The following FAM163B variants were observed in gnomAD, a reference collection of about 807,000 sequenced individuals.
FAM163B encodes the protein protein FAM163B.
Under a neutral mutation model 7.6 loss-of-function variants are expected in FAM163B, and 4 were observed. That is an observed-to-expected ratio of 0.52 (90% CI 0.26 to 1.20). FAM163B has a LOEUF of 1.20. FAM163B is among the 50% of genes most tolerant of loss of function. The pLI is 0.14. For missense variants in FAM163B, 250 were observed against 243.0 expected (o/e 1.03, Z -0.19); for synonymous variants, 120 against 111.6 (o/e 1.07, Z -0.47).
chr9:133,591,378 G>A (rs761249601), intron 1 of FAM163B, among the ~76,000 whole-genome samples: 6 of 152,214 alleles, frequency 3.9e-5, no homozygotes, highest in Non-Finnish European at 7.3e-5. Context: ...TCCTGTGGGG[G>A]TGGTAACTGT....
Position 133,579,116 on chromosome 9 carries a change from C to T in FAM163B, c.407G>A (p.Gly136Glu), listed in dbSNP as rs756929157. 1.2e-6 allele frequency: 2 copies of T among 1,607,246 alleles called. No individual in the cohort carries two copies. The highest frequency in any genetic ancestry group is 1.7e-5 in the Admixed American group (1 of 59,902). The change falls in exon 3 of 3, where the codon GGG becomes GAG. Residue 136 changes from glycine to glutamate, a missense_variant. Transcript: ENST00000673969. ...VSQEDVELPP[G>E]GFGGLQALNP... is the part of the protein sequence containing the mutation. ...GAGCGCCTGCAGGCCCCCGAAGCCCCCCGGGGGCAGCTCCACGTCCTCCTG... is the reference window on the plus strand; with the variant it reads ...GAGCGCCTGCAGGCCCCCGAAGCCCTCCGGGGGCAGCTCCACGTCCTCCTG...
At chr9:133,591,738 G>A (rs1831556104) in intron 1 of FAM163B, among the ~76,000 whole-genome samples, 1 of 152,156 alleles carries the variant, frequency 6.6e-6, no homozygotes, top group South Asian at 2.1e-4. Flanking sequence ...TGTCCCGAAG[G>A]ATGGCCCCCA....
intron 1 of FAM163B, among the ~76,000 whole-genome samples, chr9:133,582,494 C>G (rs761929899): frequency 9.2e-5 from 14 of 152,192 alleles, no homozygotes; most frequent in Non-Finnish European, 1.8e-4. Context: ...CACCTTGGGG[C>G]CCCTGCCACC....
rs373126893 is a variant in FAM163B, at chr9:133,579,532, G to A, written c.94-103C>T. Reference sequence around the variant, plus strand: ...CTGGGGAGGGGAGATAGGCACGGTGGGAGTGGGGTGGCCCAAGCCCAGGCC... The same window carrying A: ...CTGGGGAGGGGAGATAGGCACGGTGAGAGTGGGGTGGCCCAAGCCCAGGCC... On this transcript the variant is annotated intron_variant, in intron 2 of 2. Transcript: ENST00000673969. 4.1e-4 allele frequency: 583 copies of A among 1,419,164 alleles called. 2 individuals carry two copies. The African/African-American group carries it at 7.4e-3, about 18-fold the overall frequency. The allele number at this position is 1,419,164 out of a possible 1,614,324, so 87.9% of individuals were successfully genotyped here.
intron 1 of FAM163B, among the ~76,000 whole-genome samples, chr9:133,583,372 G>A (rs72619333): frequency 0.14 from 21,025 of 152,154 alleles, 1,832 homozygotes; most frequent in East Asian, 0.47. Context: ...GACAGGTACT[G>A]GGGAGCCATA....
intron 1 of FAM163B, among the ~76,000 whole-genome samples, chr9:133,580,673 A>G (rs1831343160): frequency 6.6e-6 from 1 of 152,214 alleles, no homozygotes; most frequent in Non-Finnish European, 1.5e-5. Flanking sequence ...CATCTCACAC[A>G]GTCACCATTA....
chr9:133,590,193 TCTTTC>T (rs1287040819), intron 1 of FAM163B, among the ~76,000 whole-genome samples: 11 of 137,878 alleles, frequency 8.0e-5, no homozygotes, highest in Admixed American at 2.2e-4. Flanking sequence ...TTCCTTTCCT[TCTTTC>T]CTTTCCTTTC....
At chr9:133,580,812 C>T (rs1831345047) in intron 1 of FAM163B, among the ~76,000 whole-genome samples, 1 of 152,228 alleles carries the variant, frequency 6.6e-6, no homozygotes, top group Admixed American at 6.5e-5. Context: ...ACCATCTTCA[C>T]CATTTGTACG....
intron 1 of FAM163B, among the ~76,000 whole-genome samples, chr9:133,594,685 G>C (rs982225347): frequency 2.0e-5 from 3 of 152,114 alleles, no homozygotes; most frequent in Non-Finnish European, 4.4e-5. Flanking sequence ...TCAGTCCTGT[G>C]GGGGGACATG....
Position 133,580,385 on chromosome 9 carries a change from C to T in FAM163B, c.-23-139G>A, listed in dbSNP as rs959233228. On this transcript the variant is annotated intron_variant, in intron 1 of 2. Transcript: ENST00000673969. ...TGCCTGTGAGAGGCAGGGGCTCTGC[C>T]GGGGACGGGGTGCAGCAGGAGCCCA... is the stretch of plus-strand genomic sequence containing the variant. 4.1e-5 allele frequency: 28 copies of T among 683,028 alleles called. 1 individual carries two copies. Among genetic ancestry groups the T allele is most frequent in the South Asian group, 1.9e-4 (11 of 57,094 alleles). 42.3% of individuals were successfully genotyped at this position (683,028 alleles called of 1,614,324 possible).
Position 133,579,057 on chromosome 9 carries a change from A to G in FAM163B, c.466T>C (p.Phe156Leu). Residue 156 changes from phenylalanine (F) to leucine (L), a missense_variant, in exon 3 of 3, where the codon TTC becomes CTC. By Grantham distance (22) the Phe-to-Leu change is conservative (BLOSUM62 0). Coordinates refer to ENST00000673969, the MANE Select transcript of FAM163B (RefSeq NM_001080515.3). Reference sequence around the variant, plus strand: ...GTGCTGATGCTGCGGCTCCTGGCGAAGGCCTCCCGCATGGCTGAGAGGCGG... The same window carrying G: ...GTGCTGATGCTGCGGCTCCTGGCGAGGGCCTCCCGCATGGCTGAGAGGCGG... ...PNRLSAMREA[F>L]ARSRSISTDV The G allele has an allele frequency of 6.3e-7, 1 of 1,579,434 alleles. No individual in the cohort carries two copies. Among genetic ancestry groups the G allele is most frequent in the Non-Finnish European group, 8.6e-7 (1 of 1,166,130 alleles).
At chr9:133,599,180 C>T (rs1345432347) in intron 1 of FAM163B, among the ~76,000 whole-genome samples, 8 of 152,188 alleles carry the variant, frequency 5.3e-5, no homozygotes, top group East Asian at 1.9e-4. Flanking sequence ...GCACAGAGTT[C>T]GCCTCTGCCT....
At chr9:133,591,223 C>T (rs1438349216) in intron 1 of FAM163B, among the ~76,000 whole-genome samples, 1 of 152,254 alleles carries the variant, frequency 6.6e-6, no homozygotes, top group African/African-American at 2.4e-5. Flanking sequence ...ACCTGCTATG[C>T]CCTGGCACTG....
chr9:133,608,258 G>C (rs1416231661), intron 1 of FAM163B, among the ~76,000 whole-genome samples: 1 of 152,228 alleles, frequency 6.6e-6, no homozygotes, highest in African/African-American at 2.4e-5. Context: ...TCTTGTCTCA[G>C]AGCCATCGGG....
intron 1 of FAM163B, among the ~76,000 whole-genome samples, chr9:133,608,738 G>C (rs113557453): frequency 2.0e-5 from 3 of 152,376 alleles, no homozygotes; most frequent in African/African-American, 4.8e-5. Context: ...AGAGAAGGCG[G>C]CCAGGTTTCC....
At position 133,600,069 on chromosome 9, in the gene FAM163B, ATGTG is replaced by A. The variant is rs748374615; in HGVS notation, c.-24+9004_-24+9007del. On this transcript the variant is annotated intron_variant, in intron 1 of 2. Coordinates refer to ENST00000673969, the MANE Select transcript of FAM163B (RefSeq NM_001080515.3). The surrounding 1 kb of genome is among the most constrained non-coding windows in gnomAD (Gnocchi z 4.9). ...TGGATGTGTGTGAGTTTGTGTGTGC[ATGTG>A]TGTGTGTCTGTGTGCATGTGTGCCT... Among the ~76,000 whole-genome samples the A allele has an allele frequency of 1.6e-5, 2 of 127,466 alleles. No homozygotes were observed. Among genetic ancestry groups the A allele is most frequent in the East Asian group, 2.3e-4 (1 of 4,304 alleles). The allele number at this position is 127,466 out of a possible 152,430, so 83.6% of individuals were successfully genotyped here.
Position 133,579,372 on chromosome 9 carries a change from C to T in FAM163B, c.151G>A (p.Val51Ile), listed in dbSNP as rs1831316878. ...EEDEEEPDFA[V>I]HSHLPPLHSN... ...TGCAGCGGGGGCAGGTGCGAGTGAA[C>T]GGCGAAGTCTGGTTCCTCCTCGTCC... The change falls in exon 3 of 3, where the codon GTT becomes ATT. Residue 51 changes from valine to isoleucine, a missense_variant. Transcript: ENST00000673969. 7.4e-6 allele frequency: 12 copies of T among 1,611,956 alleles called. No individual in the cohort carries two copies. The highest frequency in any genetic ancestry group is 2.2e-5 in the East Asian group (1 of 44,816).
At chr9:133,593,817 A>G (rs1195713729) in intron 1 of FAM163B, among the ~76,000 whole-genome samples, 2 of 152,212 alleles carry the variant, frequency 1.3e-5, no homozygotes, top group Non-Finnish European at 2.9e-5. Flanking sequence ...AACCTCAGAC[A>G]CTGCCCAGGG....
At position 133,580,205 on chromosome 9, in the gene FAM163B, C is replaced by A. The variant is rs1831335351; in HGVS notation, c.19G>T (p.Val7Phe). Reference sequence around the variant, plus strand: ...GTCGCCAAGATGCCCCCGGTGATGACCACGGTCCCGGCTGTCATCCGCCCC... The same window carrying A: ...GTCGCCAAGATGCCCCCGGTGATGAACACGGTCCCGGCTGTCATCCGCCCC... MTAGTV[V>F]ITGGILATVI... is the part of the protein sequence containing the mutation. The change falls in exon 2 of 3, where the codon GTC becomes TTC. Residue 7 changes from valine (V) to phenylalanine (F), a missense_variant. Val to Phe is a conservative substitution (Grantham distance 50, BLOSUM62 -1). Transcript: ENST00000673969. The A allele has an allele frequency of 6.2e-7, 1 of 1,613,498 alleles. No homozygotes were observed. The highest frequency in any genetic ancestry group is 8.5e-7 in the Non-Finnish European group (1 of 1,180,028).
Sources: allele counts gnomAD v4.1 joint callset (sites outside exome capture counted in the v4.1 genomes callset), GRCh38; gene constraint gnomAD v4.1.1; non-coding constraint Gnocchi (gnomAD v3.1); transcripts MANE v1.5; gene names NCBI Gene and HGNC (gene_info 2026-07-23, HGNC 2026-07-21).